Variants in AK5 observed in about 807,000 individuals in gnomAD.
The protein encoded by AK5 is adenylate kinase isoenzyme 5.
Under a neutral mutation model 69.5 loss-of-function variants are expected in AK5, and 27 were observed. The observed-to-expected ratio is 0.39, with a 90% CI of 0.29 to 0.54. AK5 has a LOEUF of 0.54. Ranked by LOEUF, AK5 falls within the 20% of genes least tolerant of loss-of-function variation. The pLI, the probability that AK5 is intolerant of heterozygous loss-of-function variation, is 0.71. For missense variants in AK5, 531 were observed against 700.4 expected, an observed-to-expected ratio of 0.76 and a Z score of 2.73; for synonymous variants, 260 against 244.4, an observed-to-expected ratio of 1.06 and a Z score of -0.60.
chr1:77,402,378 C>T (rs903355717), intron 6 of AK5, among the ~76,000 whole-genome samples: 4 of 151,944 alleles, frequency 2.6e-5, no homozygotes, highest in South Asian at 4.2e-4. Flanking sequence ...ATGTGCCATG[C>T]TGGTGCGCTG....
At chr1:77,417,424 C>T (rs1439925837) in intron 7 of AK5, among the ~76,000 whole-genome samples, 2 of 152,166 alleles carry the variant, frequency 1.3e-5, no homozygotes, top group Admixed American at 1.3e-4. Flanking sequence ...TTCTTCCTCA[C>T]AGTATTTTCT....
Position 77,339,285 on chromosome 1 carries a change from A to G in AK5, c.700-1092A>G, listed in dbSNP as rs1444500599. Among the ~76,000 whole-genome samples, 4 of 152,210 alleles carry G rather than the reference A, an allele frequency of 2.6e-5. No homozygotes were observed. The East Asian group carries it at 7.7e-4, about 29-fold the overall frequency. ...ATTATTGCTTCAAACCACTATGCAA[A>G]CTGTCTTTTTGCCTCGTCCCATTCT... On this transcript the variant is annotated intron_variant, in intron 5 of 13. Coordinates refer to ENST00000354567, the MANE Select transcript of AK5 (RefSeq NM_174858.3).
chr1:77,419,557 C>A (rs141639602), intron 8 of AK5, among the ~76,000 whole-genome samples: 1 of 152,056 alleles, frequency 6.6e-6, no homozygotes, highest in Non-Finnish European at 1.5e-5. Flanking sequence ...ACAAAAATAT[C>A]GTCAATTGAA....
intron 10 of AK5, among the ~76,000 whole-genome samples, chr1:77,504,138 C>G (rs1570273265): frequency 1.3e-5 from 2 of 152,288 alleles, no homozygotes; most frequent in East Asian, 3.9e-4. Flanking sequence ...CCAGTCCTTA[C>G]ACTGCCTAGC....
At chr1:77,415,245 C>A (rs10782648) in intron 7 of AK5, among the ~76,000 whole-genome samples, 4 of 152,006 alleles carry the variant, frequency 2.6e-5, no homozygotes, top group Admixed American at 2.0e-4. Context: ...CAAGTATTAA[C>A]GTGTAATATC....
At chr1:77,440,169 G>C (rs562152500) in intron 8 of AK5, among the ~76,000 whole-genome samples, 22 of 151,262 alleles carry the variant, frequency 1.5e-4, no homozygotes, top group African/African-American at 5.1e-4. Context: ...CCAGTCTAGT[G>C]CTTTCAAATT....
At chr1:77,452,869 T>C (rs1045380383) in intron 8 of AK5, among the ~76,000 whole-genome samples, 1 of 152,170 alleles carries the variant, frequency 6.6e-6, no homozygotes, top group Non-Finnish European at 1.5e-5. Flanking sequence ...TATCCATTTA[T>C]CTTCCTATGT....
intron 6 of AK5, among the ~76,000 whole-genome samples, chr1:77,378,933 T>C (rs192089445): frequency 2.0e-5 from 3 of 152,274 alleles, no homozygotes; most frequent in East Asian, 3.9e-4. Flanking sequence ...CCAGCTGTTA[T>C]GTTTGAGATG....
chr1:77,520,404 A>G (rs1308683263), intron 11 of AK5, among the ~76,000 whole-genome samples: 1 of 152,124 alleles, frequency 6.6e-6, no homozygotes, highest in Non-Finnish European at 1.5e-5. Flanking sequence ...TGCCCGCCAC[A>G]CTTAGGATGA....
intron 8 of AK5, among the ~76,000 whole-genome samples, chr1:77,428,023 T>A (rs1651330270): frequency 6.6e-6 from 1 of 152,156 alleles, no homozygotes; most frequent in Non-Finnish European, 1.5e-5. Flanking sequence ...ACACCTCTCA[T>A]AGGCCACATC....
intron 5 of AK5, among the ~76,000 whole-genome samples, chr1:77,300,574 A>G (rs756037705): frequency 2.0e-5 from 3 of 152,106 alleles, no homozygotes; most frequent in Non-Finnish European, 4.4e-5. Context: ...TTTTTCTGCT[A>G]CCACTTCTGA....
rs372458843 is a variant in AK5, at chr1:77,495,606, G to A, written c.1147+9254G>A. Among the ~76,000 whole-genome samples, 14 of 152,224 alleles carry A rather than the reference G, an allele frequency of 9.2e-5. No homozygotes were observed. In the South Asian group the frequency reaches 1.0e-3, roughly 11 times the overall value. On this transcript the variant is annotated intron_variant, in intron 10 of 13. Transcript: ENST00000354567. ...TAGAATTTATGCTATGTCTTTTACC[G>A]TAAAGAAATAGCATAGGCACTTGTT...
intron 10 of AK5, among the ~76,000 whole-genome samples, chr1:77,511,130 G>C (rs534277812): frequency 3.0e-4 from 45 of 152,066 alleles, no homozygotes; most frequent in African/African-American, 1.1e-3. Context: ...ACCTTTGTAA[G>C]ATTATGGAAT....
chr1:77,402,625 T>G (rs2100551201), intron 6 of AK5, among the ~76,000 whole-genome samples: 1 of 152,206 alleles, frequency 6.6e-6, no homozygotes, highest in East Asian at 1.9e-4. Context: ...GGACACGAAC[T>G]CATCATTTTT....
chr1:77,321,530 A>G (rs1660532683), intron 5 of AK5, among the ~76,000 whole-genome samples: 2 of 152,200 alleles, frequency 1.3e-5, no homozygotes, highest in Non-Finnish European at 2.9e-5. Context: ...TGATCATAGT[A>G]GCAGAAAAAG....
intron 8 of AK5, among the ~76,000 whole-genome samples, chr1:77,482,770 CA>C (rs11350511): frequency 0.58 from 76,807 of 133,368 alleles, 21,442 homozygotes; most frequent in Middle Eastern, 0.76. Flanking sequence ...GACTATGTCT[CA>C]AAAAAAAAAA....
intron 8 of AK5, among the ~76,000 whole-genome samples, chr1:77,440,338 C>T (rs1265554768): frequency 2.0e-5 from 3 of 152,214 alleles, no homozygotes; most frequent in Non-Finnish European, 4.4e-5. Context: ...GAGAAATCTG[C>T]TGTTCCTCTA....
chr1:77,535,467 AAGG>A (rs1280437897), intron 12 of AK5, among the ~76,000 whole-genome samples: 1 of 152,132 alleles, frequency 6.6e-6, no homozygotes, highest in Non-Finnish European at 1.5e-5. Context: ...CGGTGGCTTG[AAGG>A]AGAAGTGATT....
intron 8 of AK5, among the ~76,000 whole-genome samples, chr1:77,436,684 GAATT>G (rs1368174957): frequency 1.3e-5 from 2 of 151,554 alleles, no homozygotes; most frequent in African/African-American, 4.8e-5. Context: ...AAACTAAGAA[GAATT>G]AATTTATAAA....
Sources: gnomAD v4.1 joint callset for allele counts (sites outside exome capture counted in the v4.1 genomes callset) on GRCh38, gnomAD v4.1.1 for gene constraint, MANE v1.5 for transcripts, NCBI Gene and HGNC (gene_info 2026-07-23, HGNC 2026-07-21) for gene names.